The following ZNF280C variants were observed in gnomAD, a reference collection of about 807,000 sequenced individuals.
The protein encoded by ZNF280C is zinc finger protein 280C.
A neutral mutation model predicts 53.6 loss-of-function variants in ZNF280C; 14 were observed. That is an observed-to-expected ratio of 0.26 (90% CI 0.17 to 0.41). The LOEUF (loss-of-function observed/expected upper bound fraction) is 0.41, where lower values mean the gene tolerates loss of function less well. Among genes scored for constraint, ZNF280C ranks in the 10% least tolerant of loss-of-function variants. ZNF280C has a pLI of 1.00. For synonymous variants in ZNF280C, 203 were observed against 181.1 expected (o/e 1.12, Z -0.97); for missense variants, 416 against 547.1 (o/e 0.76, Z 2.39).
rs144441125 is a variant in ZNF280C, at chrX:130,237,883, T to G, written c.494-1244A>C. Among the ~76,000 whole-genome samples the G allele has an allele frequency of 1.5e-3, 166 of 111,619 alleles. 1 individual carries two copies. The East Asian group carries it at 0.031, about 21-fold the overall frequency. On this transcript the variant is annotated intron_variant, in intron 6 of 18. Transcript: ENST00000370978. ...TTAACAACCAATGAGTGCTAGTACT[T>G]TGGACTAGGCAACTGATTATATAAC...
In ZNF280C at chrX:130,204,948, A is replaced by G; in HGVS notation, c.*29T>C. On this transcript the variant is annotated 3_prime_UTR_variant, in exon 19 of 19. Coordinates refer to ENST00000370978, the MANE Select transcript of ZNF280C (RefSeq NM_017666.5). ...AGGAACTTCCAACTTGTCTTGCACC[A>G]GGTTGCATGAACTCCATGGAGCAGG... 7 of 1,074,497 alleles carry G rather than the reference A, an allele frequency of 6.5e-6. No homozygotes were observed. Among genetic ancestry groups the G allele is most frequent in the Non-Finnish European group, 7.3e-6 (6 of 827,524 alleles). 88.6% of individuals were successfully genotyped at this position (1,074,497 alleles called of 1,213,427 possible). A position where few individuals can be genotyped will look rare whatever the true frequency, so the allele number is the denominator to read the frequency against.
At chrX:130,262,187 T>C (rs1046423241) in intron 1 of ZNF280C, among the ~76,000 whole-genome samples, 2 of 111,476 alleles carry the variant, frequency 1.8e-5, no homozygotes, top group Admixed American at 9.6e-5. Flanking sequence ...TAGATGCCAT[T>C]AGAGCCATAA....
chrX:130,213,207 A>G (rs1165843348), intron 15 of ZNF280C, among the ~76,000 whole-genome samples: 1 of 109,932 alleles, frequency 9.1e-6, no homozygotes, highest in Admixed American at 9.8e-5. Context: ...CAAAAAAAAT[A>G]AAAATAAAAA....
chrX:130,230,847 G>C, intron 8 of ZNF280C, 120 bp from the exon 9 acceptor site: 1 of 410,219 alleles, frequency 2.4e-6, no homozygotes, highest in Admixed American at 5.2e-5. Context: ...AATGTATCTA[G>C]AAAGATACTG....
intron 2 of ZNF280C, among the ~76,000 whole-genome samples, chrX:130,255,439 C>G (rs1255415621): frequency 9.7e-6 from 1 of 103,089 alleles, no homozygotes; most frequent in Non-Finnish European, 2.0e-5. Flanking sequence ...CGCGCCCGGC[C>G]GAAAAATCAT....
chrX:130,218,652 GAGT>G (rs944756592), intron 13 of ZNF280C, among the ~76,000 whole-genome samples: 12 of 111,825 alleles, frequency 1.1e-4, no homozygotes, highest in African/African-American at 3.9e-4. Context: ...GAAAGCACTA[GAGT>G]AGAAGTCAAA....
intron 13 of ZNF280C, 119 bp downstream of exon 13, chrX:130,220,230 G>T: frequency 1.8e-6 from 1 of 567,453 alleles, no homozygotes; most frequent in Non-Finnish European, 2.5e-6. Context: ...TGTTAATATA[G>T]TTGCCCTAGT....
chrX:130,219,606 A>T (rs1261459311), intron 13 of ZNF280C, among the ~76,000 whole-genome samples: 1 of 110,438 alleles, frequency 9.1e-6, no homozygotes, highest in Admixed American at 9.8e-5. Flanking sequence ...ATGCTATGCT[A>T]TCCAGGAGCA....
At chrX:130,208,470 T>G (rs1385717170) in intron 16 of ZNF280C, among the ~76,000 whole-genome samples, 1 of 110,773 alleles carries the variant, frequency 9.0e-6, no homozygotes, top group Admixed American at 9.6e-5. Context: ...AGATGTGAGA[T>G]CCACTCAAGT....
intron 5 of ZNF280C, among the ~76,000 whole-genome samples, chrX:130,240,253 G>GA (rs1037020187): frequency 1.8e-5 from 2 of 111,492 alleles, no homozygotes; most frequent in Non-Finnish European, 3.8e-5. Context: ...AATGTTCAGT[G>GA]AAAAATGAGG....
intron 3 of ZNF280C, among the ~76,000 whole-genome samples, chrX:130,246,070 A>G (rs1478024310): frequency 5.4e-5 from 6 of 111,979 alleles, no homozygotes; most frequent in African/African-American, 1.9e-4. Context: ...TACAGGGAGG[A>G]GATATTTTAT....
intron 2 of ZNF280C, among the ~76,000 whole-genome samples, chrX:130,258,251 A>C (rs1269892377): frequency 8.9e-6 from 1 of 112,664 alleles, no homozygotes; most frequent in African/African-American, 3.2e-5. Context: ...TCTGGCTTAG[A>C]CAATGATATC....
intron 5 of ZNF280C, among the ~76,000 whole-genome samples, chrX:130,241,142 A>G (rs1270077068): frequency 1.8e-5 from 2 of 111,936 alleles, no homozygotes; most frequent in African/African-American, 6.5e-5. Context: ...TCTTTAAAAG[A>G]GATAATAATA....
chrX:130,233,545 G>C (rs2032299775), intron 8 of ZNF280C, among the ~76,000 whole-genome samples: 1 of 107,109 alleles, frequency 9.3e-6, no homozygotes, highest in South Asian at 4.3e-4. Context: ...GAACCCGGGA[G>C]GTGGAGGTTG....
chrX:130,235,834 TCTC>T (rs1187268366), intron 8 of ZNF280C, among the ~76,000 whole-genome samples: 2 of 111,697 alleles, frequency 1.8e-5, no homozygotes, highest in African/African-American at 6.5e-5. Flanking sequence ...CTCTTCCTCT[TCTC>T]CTACCCCTCC....
intron 2 of ZNF280C, among the ~76,000 whole-genome samples, chrX:130,257,926 T>C (rs2032592251): frequency 9.0e-6 from 1 of 111,718 alleles, no homozygotes; most frequent in Non-Finnish European, 1.9e-5. Flanking sequence ...CTGGCCAACA[T>C]GGTGAAATCT....
chrX:130,239,621 G>T lies in ZNF280C; in HGVS notation c.454C>A (p.Leu152Ile). The T allele has an allele frequency of 8.3e-7, 1 of 1,204,127 alleles. No homozygotes were observed. Among genetic ancestry groups the T allele is most frequent in the Non-Finnish European group, 1.1e-6 (1 of 889,639 alleles). The stretch of plus-strand genomic sequence containing the variant: ...GCTGGTATGTCTTGGGATGGTGGTA[G>T]TGATTCCTGGGTCGAGTCAAACAGT... ...ILLFDSTQES[L>I]PPSQDIPAIF... The change falls in exon 6 of 19, where the codon CTA (leucine) becomes ATA (isoleucine). Residue 152 changes from leucine (L) to isoleucine (I), a missense_variant. By Grantham distance (5) the Leu-to-Ile change is conservative. Transcript: ENST00000370978.
chrX:130,267,413 C>A (rs2032700759), intron 1 of ZNF280C, among the ~76,000 whole-genome samples: 1 of 111,558 alleles, frequency 9.0e-6, no homozygotes, highest in Non-Finnish European at 1.9e-5. Flanking sequence ...ACATAATATA[C>A]CAAATTGAAC....
chrX:130,236,143 T>C, intron 8 of ZNF280C, 71 bp downstream of exon 8: 1 of 692,972 alleles, frequency 1.4e-6, no homozygotes, highest in South Asian at 3.4e-5. Context: ...GCATTTACTG[T>C]ATATCAATTT....
Sources: allele counts gnomAD v4.1 joint callset (sites outside exome capture counted in the v4.1 genomes callset), GRCh38; gene constraint gnomAD v4.1.1; transcripts MANE v1.5; gene names NCBI Gene and HGNC (gene_info 2026-07-23, HGNC 2026-07-21).